Variants in USP34 observed in about 807,000 individuals in gnomAD.
USP34 encodes ubiquitin carboxyl-terminal hydrolase 34.
A neutral mutation model predicts 460.3 loss-of-function variants in USP34; 70 were observed. That is an observed-to-expected ratio of 0.15 (90% CI 0.13 to 0.19). The LOEUF (loss-of-function observed/expected upper bound fraction) is 0.19. Among genes scored for constraint, USP34 ranks in the 10% least tolerant of loss-of-function variants. USP34 has a pLI of 1.00. For missense variants in USP34, 3,985 were observed against 4,236.2 expected (o/e 0.94, Z 1.65); for synonymous variants, 1,647 against 1,405.3 (o/e 1.17, Z -3.85).
intron 43 of USP34, among the ~76,000 whole-genome samples, chr2:61,263,031 T>C (rs1194008101): frequency 6.6e-6 from 1 of 151,900 alleles, no homozygotes; most frequent in Non-Finnish European, 1.5e-5. Context: ...TTTTTTAAGA[T>C]AGAGTCTTGC....
chr2:61,253,653 T>G (rs1401127994), intron 48 of USP34, among the ~76,000 whole-genome samples: 1 of 152,194 alleles, frequency 6.6e-6, no homozygotes, highest in Non-Finnish European at 1.5e-5. Context: ...CCTTCAAACA[T>G]GCTCAGATAT....
intron 2 of USP34, among the ~76,000 whole-genome samples, chr2:61,406,985 G>A (rs1271891999): frequency 6.6e-6 from 1 of 152,084 alleles, no homozygotes; most frequent in Non-Finnish European, 1.5e-5. Flanking sequence ...ACTCCAGCCT[G>A]GGCAACAAGA....
At chr2:61,366,262 T>C (rs1163022541) in intron 10 of USP34, among the ~76,000 whole-genome samples, 1 of 152,172 alleles carries the variant, frequency 6.6e-6, no homozygotes, top group African/African-American at 2.4e-5. Context: ...TAAAGAAAGT[T>C]GTAGCTCAGA....
intron 33 of USP34, among the ~76,000 whole-genome samples, chr2:61,289,569 T>C (rs1179571195): frequency 6.6e-6 from 1 of 152,108 alleles, no homozygotes; most frequent in East Asian, 1.9e-4. Flanking sequence ...CCTCCTGCTC[T>C]CCTGATTCCA....
At chr2:61,293,679 C>T in intron 32 of USP34, 129 bp from the exon 33 acceptor site, 1 of 641,618 alleles carries the variant, frequency 1.6e-6, no homozygotes, top group Non-Finnish European at 2.6e-6. Context: ...ATTTAAATTA[C>T]CAAAATAATT....
intron 49 of USP34, 63 bp from the exon 50 acceptor site, chr2:61,246,540 C>T: frequency 8.9e-7 from 1 of 1,121,402 alleles, no homozygotes; most frequent in Non-Finnish European, 1.2e-6. Context: ...CTTAGAAACA[C>T]TTTTTAAAAT....
In USP34 at chr2:61,443,924, G is replaced by A. The variant is rs527250358; in HGVS notation, c.44-23091C>T. On this transcript the variant is annotated intron_variant, in intron 1 of 79. Transcript: ENST00000398571. The stretch of plus-strand genomic sequence containing the variant: ...TGTGTGGGGAGTCAGGTGGCATACC[G>A]GAAATATCTGCACCTTATGCTCAAT... Among the ~76,000 whole-genome samples the A allele has an allele frequency of 9.9e-5, 15 of 152,134 alleles. No homozygotes were observed. In the South Asian group the frequency reaches 1.9e-3, roughly 19 times the overall value.
intron 78 of USP34, chr2:61,189,279 T>C: frequency 2.0e-6 from 1 of 505,030 alleles, no homozygotes; most frequent in East Asian, 3.8e-5. Context: ...TTTGTTTTGT[T>C]TTTGTTTTTT....
chr2:61,404,287 T>C (rs769319353), intron 3 of USP34, among the ~76,000 whole-genome samples: 37 of 151,740 alleles, frequency 2.4e-4, no homozygotes, highest in African/African-American at 9.0e-4. Context: ...ACAAAAAAAA[T>C]GTCATAGATT....
chr2:61,205,978 A>T (rs1433937194), intron 72 of USP34, 39 bp downstream of exon 72: 3 of 1,458,776 alleles, frequency 2.1e-6, no homozygotes, highest in Non-Finnish European at 2.9e-6. Flanking sequence ...ATGTTCTTCC[A>T]CTAGGTTTTT....
intron 1 of USP34, among the ~76,000 whole-genome samples, chr2:61,429,218 C>A (rs1003057781): frequency 6.6e-6 from 1 of 151,992 alleles, no homozygotes; most frequent in Non-Finnish European, 1.5e-5. Context: ...GAGGCCGAGG[C>A]AGGCGGATCA....
At chr2:61,207,099 T>C in intron 70 of USP34, 1 of 458,354 alleles carries the variant, frequency 2.2e-6, no homozygotes, top group Non-Finnish European at 3.8e-6. Context: ...CTATTTTGTG[T>C]GTATATTCTA....
At chr2:61,316,213 CT>C (rs897121583) in intron 23 of USP34, among the ~76,000 whole-genome samples, 37 of 150,866 alleles carry the variant, frequency 2.5e-4, no homozygotes, top group African/African-American at 8.3e-4. Context: ...AGGGTTAGGA[CT>C]AAAAAAACTG....
chr2:61,324,738 T>G (rs1416832941), intron 21 of USP34, among the ~76,000 whole-genome samples: 1 of 151,624 alleles, frequency 6.6e-6, no homozygotes, highest in Non-Finnish European at 1.5e-5. Context: ...ATCACTGAAC[T>G]CCAGCCTGGG....
At chr2:61,221,721 A>G in intron 65 of USP34, 115 bp from the exon 66 acceptor site, 1 of 910,536 alleles carries the variant, frequency 1.1e-6, no homozygotes, top group Non-Finnish European at 1.6e-6. Flanking sequence ...AGGGAAGGAG[A>G]GCTCAGCCAG....
chr2:61,469,452 G>A (rs1695881622), intron 1 of USP34, among the ~76,000 whole-genome samples: 1 of 152,150 alleles, frequency 6.6e-6, no homozygotes, highest in African/African-American at 2.4e-5. Context: ...AATTTAGGGT[G>A]ACACAAATAC....
chr2:61,338,832 G>C (rs1269567869), intron 18 of USP34, among the ~76,000 whole-genome samples: 1 of 152,070 alleles, frequency 6.6e-6, no homozygotes, highest in African/African-American at 2.4e-5. Flanking sequence ...AGACTTTTGA[G>C]GTATGACAAA....
intron 6 of USP34, among the ~76,000 whole-genome samples, chr2:61,381,494 A>T (rs1278610908): frequency 6.6e-6 from 1 of 151,970 alleles, no homozygotes; most frequent in African/African-American, 2.4e-5. Flanking sequence ...GCATGCCACC[A>T]CGACCACCTA....
chr2:61,213,557 A>G (rs1004554625), intron 68 of USP34, among the ~76,000 whole-genome samples: 6 of 152,220 alleles, frequency 3.9e-5, no homozygotes, highest in Admixed American at 6.5e-5. Flanking sequence ...AAGGGACCCA[A>G]TTTAGACTGC....
Sources: allele counts gnomAD v4.1 joint callset (sites outside exome capture counted in the v4.1 genomes callset), GRCh38; gene constraint gnomAD v4.1.1; transcripts MANE v1.5; gene names NCBI Gene and HGNC (gene_info 2026-07-23, HGNC 2026-07-21).